AKAP13: variants seen among roughly 807,000 people sequenced by gnomAD.
AKAP13 encodes A-kinase anchor protein 13.
Under a neutral mutation model 264.5 loss-of-function variants are expected in AKAP13, and 80 were observed. The ratio of observed to expected loss-of-function variants is 0.30; its 90% CI spans 0.25 to 0.36. AKAP13 has a LOEUF of 0.36. AKAP13 is among the 10% of genes least tolerant of loss of function. The pLI, the probability that AKAP13 is intolerant of heterozygous loss-of-function variation, is 1.00. For synonymous variants in AKAP13, 1,380 were observed against 1,250.2 expected (o/e 1.10, Z -2.19); for missense variants, 3,712 against 3,435.2 (o/e 1.08, Z -2.01).
chr15:85,594,368 A>G (rs938258646), intron 8 of AKAP13, among the ~76,000 whole-genome samples: 8 of 152,260 alleles, frequency 5.3e-5, no homozygotes, highest in South Asian at 2.1e-4. Flanking sequence ...TAAATCAGAC[A>G]TATTCTCAAG....
intron 35 of AKAP13, among the ~76,000 whole-genome samples, chr15:85,743,269 T>G (rs2089189656): frequency 6.6e-6 from 1 of 152,138 alleles, no homozygotes; most frequent in Non-Finnish European, 1.5e-5. Context: ...ATTAACAGCA[T>G]TAAAGGCGAT....
chr15:85,402,905 A>G (rs2071491483), intron 1 of AKAP13, among the ~76,000 whole-genome samples: 1 of 152,224 alleles, frequency 6.6e-6, no homozygotes, highest in Non-Finnish European at 1.5e-5. Context: ...TCTTAAAGTT[A>G]CAGGAGTTTT....
chr15:85,382,581 G>C (rs1258539312), intron 1 of AKAP13, among the ~76,000 whole-genome samples: 1 of 152,190 alleles, frequency 6.6e-6, no homozygotes, highest in Non-Finnish European at 1.5e-5. Context: ...ATGACGTGAC[G>C]AGTGCACTAG....
chr15:85,665,126 C>G (rs2083517570), intron 13 of AKAP13, among the ~76,000 whole-genome samples: 1 of 152,096 alleles, frequency 6.6e-6, no homozygotes, highest in African/African-American at 2.4e-5. Context: ...TTACTTGAGA[C>G]CAGGAGTTTA....
intron 5 of AKAP13, among the ~76,000 whole-genome samples, chr15:85,551,031 C>T (rs1370094770): frequency 2.0e-5 from 3 of 152,160 alleles, no homozygotes; most frequent in African/African-American, 4.8e-5. Context: ...TATAGTTAGT[C>T]GCTCTTTTCA....
rs932490580 is a variant in AKAP13 at position 85,664,657 on chromosome 15, C to T, written c.4894C>T (p.His1632Tyr). The T allele has an allele frequency of 5.0e-6, 8 of 1,614,028 alleles. No homozygotes were observed. The African/African-American group carries it at 9.3e-5, about 19-fold the overall frequency. ...CTCTGCAAATGCCGAAGAGCTCAGACACCCATTCAGTGGTGAGGAACGGGT... is the reference window on the plus strand; with the variant it reads ...CTCTGCAAATGCCGAAGAGCTCAGATACCCATTCAGTGGTGAGGAACGGGT... Reference protein sequence around the residue: ...VSSANAEELRHPFSGEERVDS... With the variant: ...VSSANAEELRYPFSGEERVDS... Residue 1632 changes from histidine (H) to tyrosine (Y), a missense_variant, in exon 13 of 37, where the codon CAC (histidine) becomes TAC (tyrosine). This residue lies in a region of AKAP13 where 2,759 missense variants were observed against 2,411.7 expected (regional missense o/e 1.14). Transcript: ENST00000394518.
Position 85,579,462 on chromosome 15 carries a change from T to C in AKAP13, c.1394T>C (p.Leu465Pro). Residue 465 changes from leucine (L) to proline (P), a missense_variant, in exon 7 of 37, where the codon CTG becomes CCG. By Grantham distance (98) the Leu-to-Pro change is moderately conservative. Transcript: ENST00000394518. ...GCCCAGTATTCCTCTGGAGGTGAACTGGGAGGCATTTCAACAACAAATGTC... is the reference window on the plus strand; with the variant it reads ...GCCCAGTATTCCTCTGGAGGTGAACCGGGAGGCATTTCAACAACAAATGTC... ...GTAQYSSGGE[L>P]GGISTTNVST... 1 of 1,614,176 alleles carries C rather than the reference T, an allele frequency of 6.2e-7. No individual in the cohort carries two copies. Among genetic ancestry groups the C allele is most frequent in the Non-Finnish European group, 8.5e-7 (1 of 1,180,018 alleles).
chr15:85,692,452 C>G (rs1164385848), intron 16 of AKAP13, among the ~76,000 whole-genome samples: 3 of 151,844 alleles, frequency 2.0e-5, no homozygotes, highest in Admixed American at 6.6e-5. Flanking sequence ...AATAATTTAC[C>G]TAGGGTCACG....
At chr15:85,712,123 C>T (rs371426101) in intron 19 of AKAP13, among the ~76,000 whole-genome samples, 3 of 152,218 alleles carry the variant, frequency 2.0e-5, no homozygotes, top group African/African-American at 4.8e-5. Context: ...CATGAGCCAC[C>T]GCACCCAGCC....
intron 11 of AKAP13, among the ~76,000 whole-genome samples, chr15:85,657,870 C>G (rs544711643): frequency 6.6e-6 from 1 of 152,228 alleles, no homozygotes; most frequent in East Asian, 1.9e-4. Flanking sequence ...ATTTTCTATA[C>G]AATCCCCTTT....
chr15:85,549,305 G>A (rs927904537), intron 5 of AKAP13, among the ~76,000 whole-genome samples: 1 of 152,118 alleles, frequency 6.6e-6, no homozygotes, highest in Non-Finnish European at 1.5e-5. Context: ...ATCATTTACA[G>A]TCCTTCCACC....
intron 2 of AKAP13, among the ~76,000 whole-genome samples, chr15:85,510,941 G>T (rs1217251471): frequency 6.6e-6 from 1 of 152,054 alleles, no homozygotes; most frequent in Non-Finnish European, 1.5e-5. Context: ...ATGTTTTTAG[G>T]TGGCGCTTGA....
At chr15:85,406,538 C>T (rs565161582) in intron 1 of AKAP13, among the ~76,000 whole-genome samples, 12 of 151,030 alleles carry the variant, frequency 7.9e-5, no homozygotes, top group African/African-American at 2.9e-4. Context: ...GTGGTTGTAC[C>T]TATAATTGGG....
intron 19 of AKAP13, 48 bp downstream of exon 19, chr15:85,710,693 C>A: frequency 6.3e-7 from 1 of 1,581,412 alleles, no homozygotes; most frequent in Non-Finnish European, 8.6e-7. Flanking sequence ...CTTTCTGGTT[C>A]TGAATGTAAA....
chr15:85,723,284 A>T lies in AKAP13; in HGVS notation c.6709A>T (p.Ser2237Cys). The change falls in exon 26 of 37, where the codon AGT (serine) becomes TGT (cysteine). Residue 2237 changes from serine (S) to cysteine (C), a missense_variant. Physicochemically the swap from Ser to Cys is moderately radical, Grantham distance 112. Coordinates refer to ENST00000394518, the MANE Select transcript of AKAP13 (RefSeq NM_007200.5). ...ACGGAAGAAGCTTGTACGTGATGGG[A>T]GTGTGTTTCTGAAGAATGCAGCAGG... ...LKRKKLVRDG[S>C]VFLKNAAGRL... is the part of the protein sequence containing the mutation. 1 of 1,614,130 alleles carries T rather than the reference A, an allele frequency of 6.2e-7. No homozygotes were observed. Among genetic ancestry groups the T allele is most frequent in the Non-Finnish European group, 8.5e-7 (1 of 1,179,988 alleles).
intron 17 of AKAP13, among the ~76,000 whole-genome samples, chr15:85,697,513 G>A (rs916456487): frequency 1.3e-5 from 2 of 152,184 alleles, no homozygotes; most frequent in African/African-American, 4.8e-5. Context: ...AGGTTGCAGT[G>A]AGCTGAGGTC....
At chr15:85,442,419 A>T (rs1320447087) in intron 1 of AKAP13, among the ~76,000 whole-genome samples, 4 of 93,144 alleles carry the variant, frequency 4.3e-5, no homozygotes, top group East Asian at 2.1e-4. Flanking sequence ...CAAAAAAAAA[A>T]AAAAATATAT....
rs1388600734 is a variant in AKAP13 at position 85,664,737 on chromosome 15, T to C, written c.4974T>C (p.His1658=). 4.3e-6 allele frequency: 7 copies of C among 1,612,630 alleles called. No individual in the cohort carries two copies. Among genetic ancestry groups the C allele is most frequent in the Admixed American group, 3.4e-5 (2 of 59,614 alleles). ...ATCTGGAGTCAGACCAGAGAGAACA[T>C]AGGATGTTTGATCAGCAGGTAAGTC... The part of the protein sequence containing the change: ...EEDLESDQRE[H]RMFDQQICHR... Residue 1658 remains histidine (H), a synonymous_variant, in exon 13 of 37, where the codon CAT becomes CAC. Transcript: ENST00000394518.
chr15:85,580,370 A>G lies in AKAP13; in HGVS notation c.2302A>G (p.Lys768Glu), dbSNP rs1305051851. ...TTCACATCCACATCCAGTTGTCCCT[A>G]AAATGGAGAAAGAACTGGTGCCAGA... ...VVSHPHPVVP[K>E]MEKELVPDQA... Residue 768 changes from lysine (K) to glutamate (E), a missense_variant, in exon 7 of 37, where the codon AAA (lysine) becomes GAA (glutamate). Transcript: ENST00000394518. 6.2e-7 allele frequency: 1 copy of G among 1,614,142 alleles called. No homozygotes were observed. The highest frequency in any genetic ancestry group is 1.3e-5 in the African/African-American group (1 of 74,950).
Sources: gnomAD v4.1 joint callset for allele counts (sites outside exome capture counted in the v4.1 genomes callset) on GRCh38, gnomAD v4.1.1 for gene constraint, gnomAD v4.1.1 regional missense constraint, MANE v1.5 for transcripts, NCBI Gene and HGNC (gene_info 2026-07-23, HGNC 2026-07-21) for gene names.